EGFR: variants seen among roughly 807,000 people sequenced by gnomAD.
EGFR encodes avian erythroblastic leukemia viral (v-erb-b) oncogene homolog.
EGFR carries 58 observed loss-of-function variants against 143.0 expected under a neutral mutation model. The ratio of observed to expected loss-of-function variants is 0.41; its 90% confidence interval spans 0.33 to 0.50. EGFR has a LOEUF of 0.50. Ranked by LOEUF, EGFR falls within the 20% of genes least tolerant of loss-of-function variation. EGFR has a pLI of 0.39. For synonymous variants in EGFR, 613 were observed against 594.4 expected (o/e 1.03, Z -0.45); for missense variants, 1,307 against 1,579.0 (o/e 0.83, Z 2.92).
At chr7:55,091,008 G>C (rs575910965) in intron 1 of EGFR, among the ~76,000 whole-genome samples, 8 of 152,352 alleles carry the variant, frequency 5.3e-5, no homozygotes, top group Admixed American at 5.2e-4. Context: ...CCGGGGGTCA[G>C]GCACTGTGTT....
intron 1 of EGFR, among the ~76,000 whole-genome samples, chr7:55,081,344 G>T (rs1051750561): frequency 6.6e-6 from 1 of 152,204 alleles, no homozygotes; most frequent in Non-Finnish European, 1.5e-5. Context: ...GGGCTGTGCT[G>T]AGCAGGGTAA....
At chr7:55,077,806 G>A (rs565370255) in intron 1 of EGFR, among the ~76,000 whole-genome samples, 9 of 152,306 alleles carry the variant, frequency 5.9e-5, no homozygotes, top group African/African-American at 2.2e-4. Context: ...AGAAACCTGG[G>A]AGAGGTAGTT....
At chr7:55,108,967 G>A (rs575850477) in intron 1 of EGFR, among the ~76,000 whole-genome samples, 110 of 152,162 alleles carry the variant, frequency 7.2e-4, no homozygotes, top group Non-Finnish European at 1.0e-3. Context: ...AAATGCCTAT[G>A]TAAACATATA....
chr7:55,095,920 C>T (rs1791440865), intron 1 of EGFR, among the ~76,000 whole-genome samples: 1 of 151,328 alleles, frequency 6.6e-6, no homozygotes, highest in South Asian at 2.1e-4. Context: ...ACATACAATA[C>T]ACAGAGATAC....
intron 4 of EGFR, among the ~76,000 whole-genome samples, chr7:55,147,282 G>A (rs1219570935): frequency 1.3e-5 from 2 of 152,230 alleles, no homozygotes; most frequent in Non-Finnish European, 2.9e-5. Context: ...AGCCTGTGGG[G>A]AAGCCTGGCA....
intron 1 of EGFR, among the ~76,000 whole-genome samples, chr7:55,075,365 C>T (rs1790077301): frequency 6.6e-6 from 1 of 152,084 alleles, no homozygotes; most frequent in Non-Finnish European, 1.5e-5. Context: ...TGAGCTGTGA[C>T]CAACATGACA....
intron 1 of EGFR, among the ~76,000 whole-genome samples, chr7:55,136,462 T>G (rs1794148980): frequency 6.6e-6 from 1 of 152,220 alleles, no homozygotes. Context: ...TCCAAGACTT[T>G]GGTCACATGG....
At chr7:55,078,598 G>T (rs113488408) in intron 1 of EGFR, among the ~76,000 whole-genome samples, 3,358 of 152,302 alleles carry the variant, frequency 0.022, 81 homozygotes, top group African/African-American at 0.054. Context: ...CACTTGTCAG[G>T]GTGGGGGCCA....
At position 55,021,245 on chromosome 7, in the gene EGFR, G is replaced by A. The variant is rs975001966; in HGVS notation, c.88+1880G>A. On this transcript the variant is annotated intron_variant, in intron 1 of 27. Coordinates refer to ENST00000275493, the MANE Select transcript of EGFR (RefSeq NM_005228.5). The stretch of plus-strand genomic sequence containing the variant: ...GCCTGCAGGCCCGTCCTGCCTGCCT[G>A]GGGTGCCCGGGAGACGCGGGCCTGC... 4.6e-5 allele frequency among the ~76,000 whole-genome samples: 7 copies of A among 152,340 alleles called. No individual in the cohort carries two copies. In the East Asian group the frequency reaches 1.2e-3, roughly 25 times the overall value.
chr7:55,204,967 A>G (rs574998782), intron 27 of EGFR, among the ~76,000 whole-genome samples: 1 of 151,948 alleles, frequency 6.6e-6, no homozygotes, highest in Non-Finnish European at 1.5e-5. Context: ...CACATCACAC[A>G]TATATGTATA....
chr7:55,154,021 A>G lies in EGFR; in HGVS notation c.758A>G (p.Lys253Arg), dbSNP rs374084791. The G allele has an allele frequency of 3.2e-5, 51 of 1,614,120 alleles. 1 individual carries two copies. Among genetic ancestry groups the G allele is most frequent in the East Asian group, 2.7e-4 (12 of 44,870 alleles). Residue 253 changes from lysine to arginine, a missense_variant, in exon 7 of 28, where the codon AAA (lysine) becomes AGA (arginine). By Grantham distance (26) the Lys-to-Arg change is conservative (BLOSUM62 2). Transcript: ENST00000275493. ...CTCTCTCCTCCATAGGTCTGCCGCAAATTCCGAGACGAAGCCACGTGCAAG... is the reference window on the plus strand; with the variant it reads ...CTCTCTCCTCCATAGGTCTGCCGCAGATTCCGAGACGAAGCCACGTGCAAG... ...PRESDCLVCR[K>R]FRDEATCKDT...
chr7:55,019,257 C>T lies in EGFR; in HGVS notation c.-21C>T, dbSNP rs781240283. ...CCAGTATTGATCGGGAGAGCCGGAG[C>T]GAGCTCTTCGGGGAGCAGCGATGCG... On this transcript the variant is annotated 5_prime_UTR_variant, in exon 1 of 28. Coordinates refer to ENST00000275493, the MANE Select transcript of EGFR (RefSeq NM_005228.5). 6.8e-7 allele frequency: 1 copy of T among 1,478,004 alleles called. No individual in the cohort carries two copies. The allele number at this position is 1,478,004 out of a possible 1,614,324, so 91.6% of individuals were successfully genotyped here.
At position 55,152,642 on chromosome 7, in the gene EGFR, GC is replaced by G. The variant is rs1240981490; in HGVS notation, c.730del (p.Arg244GlyfsTer36). The G allele has an allele frequency of 6.2e-7, 1 of 1,613,616 alleles. No homozygotes were observed. Among genetic ancestry groups the G allele is most frequent in the Non-Finnish European group, 8.5e-7 (1 of 1,179,968 alleles). On this transcript the variant is annotated frameshift_variant, in exon 6 of 28. Coordinates refer to ENST00000275493, the MANE Select transcript of EGFR (RefSeq NM_005228.5). LOFTEE classifies it high-confidence loss of function. Reference sequence around the variant, plus strand: ...AACCAGTGTGCTGCAGGCTGCACAGGCCCCCGGGAGAGCGACTGCCTGGTAA... The same window carrying G: ...AACCAGTGTGCTGCAGGCTGCACAGGCCCCGGGAGAGCGACTGCCTGGTAA... ...CHNQCAAGCT[G>X]PRESDCLVCR...
rs60579306 is a variant in EGFR at position 55,158,725 on chromosome 7, G to A, written c.1298+972G>A. 7.5e-3 allele frequency among the ~76,000 whole-genome samples: 1,136 copies of A among 152,284 alleles called. 17 individuals carry two copies. The highest frequency in any genetic ancestry group is 0.026 in the African/African-American group (1,065 of 41,530). ...GTGATTCCAGCTCCTACTGAGACAG[G>A]GTGGCCACACGTTCCAGGGTGTGAC... On this transcript the variant is annotated intron_variant, in intron 11 of 27. Coordinates refer to ENST00000275493, the MANE Select transcript of EGFR (RefSeq NM_005228.5).
intron 1 of EGFR, among the ~76,000 whole-genome samples, chr7:55,034,878 A>G (rs1247958503): frequency 1.3e-5 from 2 of 152,258 alleles, no homozygotes; most frequent in Non-Finnish European, 2.9e-5. Context: ...TCTTATGGAC[A>G]TCACTAGTGG....
At chr7:55,050,880 G>A (rs556789466) in intron 1 of EGFR, among the ~76,000 whole-genome samples, 11 of 152,240 alleles carry the variant, frequency 7.2e-5, no homozygotes, top group Non-Finnish European at 1.3e-4. Context: ...TGCAGCACAC[G>A]CCCCCTCCAT....
rs183037078 is a variant in EGFR at position 55,127,714 on chromosome 7, C to T, written c.89-14572C>T. ...CTTGACAGTGGGCCAGAATAAACAA[C>T]TTCAGGATGAATTCAGTTGAGACAC... On this transcript the variant is annotated intron_variant, in intron 1 of 27. Coordinates refer to ENST00000275493, the MANE Select transcript of EGFR (RefSeq NM_005228.5). 7.9e-4 allele frequency among the ~76,000 whole-genome samples: 120 copies of T among 152,304 alleles called. 1 individual carries two copies. The highest frequency in any genetic ancestry group is 2.7e-3 in the African/African-American group (114 of 41,572).
chr7:55,079,710 G>T (rs1467984811), intron 1 of EGFR, among the ~76,000 whole-genome samples: 2 of 152,054 alleles, frequency 1.3e-5, no homozygotes, highest in Non-Finnish European at 2.9e-5. Context: ...GGGCCTGCTG[G>T]CTTCATAGCT....
chr7:55,034,130 C>T (rs988342561), intron 1 of EGFR, among the ~76,000 whole-genome samples: 4 of 152,214 alleles, frequency 2.6e-5, no homozygotes, highest in Admixed American at 6.5e-5. Context: ...GGCAAACACA[C>T]CCTGCCTGGA....
Sources: allele counts gnomAD v4.1 joint callset (sites outside exome capture counted in the v4.1 genomes callset), GRCh38; gene constraint gnomAD v4.1.1; transcripts MANE v1.5; gene names NCBI Gene and HGNC (gene_info 2026-07-23, HGNC 2026-07-21).